ANO7: variants seen among roughly 807,000 people sequenced by gnomAD.
ANO7 encodes the protein anoctamin-7.
In ANO7, 114 loss-of-function variants were observed where a neutral mutation model predicts 115.8. The ratio of observed to expected loss-of-function variants is 0.98; its 90% CI spans 0.85 to 1.15. The LOEUF (loss-of-function observed/expected upper bound fraction) is 1.15, where lower values mean the gene tolerates loss of function less well. Ranked by LOEUF, ANO7 falls within the 50% of genes most tolerant of loss-of-function variation. ANO7 has a pLI of 0.00. For synonymous variants in ANO7, 550 were observed against 498.2 expected (o/e 1.10, Z -1.38); for missense variants, 1,302 against 1,201.2 (o/e 1.08, Z -1.24).
chr2:241,226,714 G>A (rs555861148), downstream of ANO7, among the ~76,000 whole-genome samples: 1 of 152,086 alleles, frequency 6.6e-6, no homozygotes, highest in African/African-American at 2.4e-5. Flanking sequence ...GTGAGCCACC[G>A]TACCCGGCCA....
intron 6 of ANO7, among the ~76,000 whole-genome samples, chr2:241,200,971 A>G (rs2068455856): frequency 6.6e-6 from 1 of 152,130 alleles, no homozygotes; most frequent in African/African-American, 2.4e-5. Context: ...GGCCCTCTCT[A>G]CACCGCCCTG....
In ANO7 at chr2:241,190,046, G is replaced by A; in HGVS notation, c.-7-11G>A. The A allele has an allele frequency of 1.9e-6, 3 of 1,560,662 alleles. No homozygotes were observed. The highest frequency in any genetic ancestry group is 2.6e-6 in the Non-Finnish European group (3 of 1,152,488). On this transcript the variant is annotated splice_polypyrimidine_tract_variant and intron_variant, in intron 1 of 24. Coordinates refer to ENST00000674324, the MANE Select transcript of ANO7 (RefSeq NM_001370694.2). ...CTGACCCCCATCCCCACCCGGCCTTGCTGGGTGCAGGAGCAGGATGCTGCG... is the reference window on the plus strand; with the variant it reads ...CTGACCCCCATCCCCACCCGGCCTTACTGGGTGCAGGAGCAGGATGCTGCG...
intron 21 of ANO7, among the ~76,000 whole-genome samples, chr2:241,222,220 C>T (rs969541610): frequency 8.9e-5 from 13 of 145,636 alleles, no homozygotes; most frequent in East Asian, 6.1e-4. Flanking sequence ...GGCAACAGAG[C>T]GAGACTCTGT....
the ANO7 span, among the ~76,000 whole-genome samples, chr2:241,233,364 GAAGT>G: frequency 2.6e-5 from 4 of 152,152 alleles, no homozygotes; most frequent in Non-Finnish European, 5.9e-5. The surrounding 1 kb of genome is among the most constrained non-coding windows in gnomAD (Gnocchi z 4.3). Flanking sequence ...CAATTTGGAG[GAAGT>G]AACAACAAGA....
chr2:241,224,022 G>T, intron 24 of ANO7, 67 bp downstream of exon 24: 5 of 1,613,132 alleles, frequency 3.1e-6, no homozygotes, highest in Non-Finnish European at 4.2e-6. Flanking sequence ...CTGCCCAGCC[G>T]CCCACTGTGC....
the ANO7 span, chr2:241,238,763 C>A: frequency 1.3e-6 from 2 of 1,561,924 alleles, no homozygotes; most frequent in South Asian, 1.2e-5. This position sits in a 1 kb window ranked among gnomAD's most constrained non-coding sequence, Gnocchi z 4.9. Context: ...TGGGGTATAG[C>A]ACATTCTAAT....
chr2:241,206,586 T>C (rs1482786819), intron 10 of ANO7, among the ~76,000 whole-genome samples: 3 of 34,542 alleles, frequency 8.7e-5, no homozygotes, highest in African/African-American at 1.6e-4. Flanking sequence ...GTGCTCCCAG[T>C]CTGACAGGTG....
At chr2:241,217,597 G>T in intron 19 of ANO7, 89 bp from the exon 20 acceptor site, 1 of 1,423,286 alleles carries the variant, frequency 7.0e-7, no homozygotes, top group Non-Finnish European at 9.5e-7. Context: ...GCGGCACCAC[G>T]TGGACTGGCC....
At chr2:241,235,048 T>A in the ANO7 span, 5 of 1,562,088 alleles carry the variant, frequency 3.2e-6, no homozygotes, top group Non-Finnish European at 4.3e-6. Flanking sequence ...CTGAAGAACT[T>A]CCCTAGATTC....
chr2:241,235,122 C>T, the ANO7 span: 7 of 1,612,472 alleles, frequency 4.3e-6, no homozygotes, highest in African/African-American at 1.3e-5. Flanking sequence ...CCTGCTCACC[C>T]GGTCCTCCTG....
chr2:241,209,136 C>A (rs369285028), intron 11 of ANO7, 149 bp from the exon 12 acceptor site: 19 of 1,014,888 alleles, frequency 1.9e-5, no homozygotes, highest in East Asian at 5.4e-5. Context: ...GTGACAGAGC[C>A]AGACTCCGTC....
At chr2:241,239,509 A>G in the ANO7 span, 1 of 999,916 alleles carries the variant, frequency 1.0e-6, no homozygotes, top group East Asian at 2.4e-5. This position sits in a 1 kb window ranked among gnomAD's most constrained non-coding sequence, Gnocchi z 4.6. Context: ...TGAGGGAGTC[A>G]CCTCCCTACA....
chr2:241,192,013 G>T (rs1354538713), intron 3 of ANO7, among the ~76,000 whole-genome samples: 2 of 152,250 alleles, frequency 1.3e-5, no homozygotes, highest in African/African-American at 4.8e-5. Context: ...TGGAAGGCGT[G>T]CATTCGTCTG....
At chr2:241,194,751 C>T (rs893854430) in intron 3 of ANO7, among the ~76,000 whole-genome samples, 35 of 152,194 alleles carry the variant, frequency 2.3e-4, no homozygotes, top group African/African-American at 8.0e-4. Flanking sequence ...CATAAATTAA[C>T]CTTCACCATA....
At chr2:241,235,632 G>T in the ANO7 span, 1 of 1,438,244 alleles carries the variant, frequency 7.0e-7, no homozygotes, top group Non-Finnish European at 9.8e-7. Context: ...CGTGGGAGCT[G>T]AGAGCAGAGT....
chr2:241,229,693 C>T (rs1370421311), downstream of ANO7: 5 of 1,613,984 alleles, frequency 3.1e-6, no homozygotes, highest in East Asian at 1.1e-4. Flanking sequence ...GGAGCCTGTG[C>T]AGAGAGAGGA....
rs372908296 is a variant in ANO7, at chr2:241,203,505, C to G, written c.889+7C>G. 3 of 1,464,366 alleles carry G rather than the reference C, an allele frequency of 2.0e-6. No individual in the cohort carries two copies. Among genetic ancestry groups the G allele is most frequent in the Non-Finnish European group, 2.7e-6 (3 of 1,103,192 alleles). The allele number at this position is 1,464,366 out of a possible 1,614,324, so 90.7% of individuals were successfully genotyped here. On this transcript the variant is annotated splice_region_variant and intron_variant, in intron 9 of 24. Transcript: ENST00000674324. This position sits in a 1 kb window ranked among gnomAD's most constrained non-coding sequence, Gnocchi z 4.8. ...CTCTACTTCGCCTGGCTCGGTGAGTCCCCCCCGCTGCCCCCCAGACCACCT... is the reference window on the plus strand; with the variant it reads ...CTCTACTTCGCCTGGCTCGGTGAGTGCCCCCCGCTGCCCCCCAGACCACCT...
chr2:241,240,065 T>G, the ANO7 span: 1 of 1,614,180 alleles, frequency 6.2e-7, no homozygotes, highest in African/African-American at 1.3e-5. This position sits in a 1 kb window ranked among gnomAD's most constrained non-coding sequence, Gnocchi z 5.5. Context: ...CCCTTGCCGA[T>G]GAGGAATTTG....
At chr2:241,218,911 A>T (rs964573064) in intron 21 of ANO7, among the ~76,000 whole-genome samples, 2 of 152,252 alleles carry the variant, frequency 1.3e-5, no homozygotes, top group Non-Finnish European at 2.9e-5. Context: ...GAATTCACAC[A>T]TAACACCAGT....
Sources: gnomAD v4.1 joint callset for allele counts (sites outside exome capture counted in the v4.1 genomes callset) on GRCh38, gnomAD v4.1.1 for gene constraint, Gnocchi (gnomAD v3.1) non-coding constraint, MANE v1.5 for transcripts, NCBI Gene and HGNC (gene_info 2026-07-23, HGNC 2026-07-21) for gene names.